The following EPHA7 variants were observed in gnomAD, a reference collection of about 807,000 sequenced individuals.
The protein encoded by EPHA7 is EPH receptor A7.
A neutral mutation model predicts 112.6 loss-of-function variants in EPHA7; 25 were observed. The observed-to-expected ratio is 0.22, with a 90% CI of 0.16 to 0.31. EPHA7 has a LOEUF of 0.31. EPHA7 is among the 10% of genes least tolerant of loss of function. The probability of loss-of-function intolerance (pLI) is 1.00; values close to 1 mark genes in which losing one functional copy is unlikely to be tolerated. For synonymous variants in EPHA7, 437 were observed against 406.5 expected (o/e 1.07, Z -0.90); for missense variants, 962 against 1,212.6 (o/e 0.79, Z 3.07).
chr6:93,289,578 C>T (rs1445238729), intron 5 of EPHA7, among the ~76,000 whole-genome samples: 5 of 151,624 alleles, frequency 3.3e-5, no homozygotes, highest in South Asian at 2.1e-4. Context: ...GGGCCAAGAT[C>T]GCGCCACTGC....
rs148587085 is a variant in EPHA7 at position 93,400,906 on chromosome 6, A to G, written c.832+9595T>C. Among the ~76,000 whole-genome samples, 615 of 152,236 alleles carry G rather than the reference A, an allele frequency of 4.0e-3. 7 individuals are homozygous for G. Among genetic ancestry groups the G allele is most frequent in the Non-Finnish European group, 6.8e-3 (460 of 68,012 alleles). On this transcript the variant is annotated intron_variant, in intron 3 of 16. Coordinates refer to ENST00000369303, the MANE Select transcript of EPHA7 (RefSeq NM_004440.4). ...TAGATTTTTGAATCATTCAACTTAAAAATGATAAATGTATGATATGTAGTT... is the reference window on the plus strand; with the variant it reads ...TAGATTTTTGAATCATTCAACTTAAGAATGATAAATGTATGATATGTAGTT...
At chr6:93,254,886 G>T in intron 13 of EPHA7, 90 bp from the exon 14 acceptor site, 2 of 1,118,452 alleles carry the variant, frequency 1.8e-6, no homozygotes, top group Admixed American at 2.5e-5. Flanking sequence ...TGCATTTTTG[G>T]TTGGTAGTTC....
intron 3 of EPHA7, among the ~76,000 whole-genome samples, chr6:93,360,405 G>A (rs1415132196): frequency 6.6e-6 from 1 of 152,114 alleles, no homozygotes. Context: ...GCCTGGACAA[G>A]TAAAACAAAC....
intron 5 of EPHA7, among the ~76,000 whole-genome samples, chr6:93,349,974 A>G (rs1775609814): frequency 2.6e-5 from 4 of 151,906 alleles, no homozygotes. Flanking sequence ...ATGTTATATC[A>G]CATGACTCAG....
At chr6:93,273,072 G>A (rs927958754) in intron 5 of EPHA7, among the ~76,000 whole-genome samples, 1 of 151,794 alleles carries the variant, frequency 6.6e-6, no homozygotes, top group Non-Finnish European at 1.5e-5. Context: ...TTATACCTAC[G>A]TAACCTAGGC....
chr6:93,389,776 A>T (rs1777810219), intron 3 of EPHA7, among the ~76,000 whole-genome samples: 4 of 151,966 alleles, frequency 2.6e-5, no homozygotes, highest in African/African-American at 7.2e-5. Context: ...ATGATATTGG[A>T]ATCTGAGTCC....
intron 3 of EPHA7, among the ~76,000 whole-genome samples, chr6:93,360,649 A>C (rs1165944913): frequency 6.6e-6 from 1 of 152,122 alleles, no homozygotes; most frequent in Non-Finnish European, 1.5e-5. Flanking sequence ...AATGAGGTGC[A>C]TTCCTTGCTC....
At chr6:93,413,568 T>A (rs1337336455) in intron 2 of EPHA7, among the ~76,000 whole-genome samples, 2 of 151,890 alleles carry the variant, frequency 1.3e-5, no homozygotes, top group African/African-American at 2.4e-5. Context: ...ACCACTTATC[T>A]CAAGAAAGGT....
intron 3 of EPHA7, among the ~76,000 whole-genome samples, chr6:93,395,605 ACACACAC>A (rs2127984755): frequency 6.6e-6 from 1 of 151,596 alleles, no homozygotes; most frequent in Non-Finnish European, 1.5e-5. Context: ...ACACACACAC[ACACACAC>A]ATCTGTCCGT....
intron 15 of EPHA7, among the ~76,000 whole-genome samples, chr6:93,246,058 CT>C (rs368442114): frequency 9.4e-5 from 14 of 148,252 alleles, no homozygotes; most frequent in African/African-American, 2.2e-4. Context: ...TTTTTCTTTT[CT>C]TTTTTTTTTG....
intron 2 of EPHA7, among the ~76,000 whole-genome samples, chr6:93,412,797 G>A (rs1196940786): frequency 1.3e-5 from 2 of 152,084 alleles, no homozygotes; most frequent in East Asian, 1.9e-4. Context: ...TAACAACTCT[G>A]CAGTTTGAAG....
At chr6:93,327,640 C>T (rs1774387594) in intron 5 of EPHA7, among the ~76,000 whole-genome samples, 2 of 151,416 alleles carry the variant, frequency 1.3e-5, no homozygotes, top group African/African-American at 4.8e-5. Flanking sequence ...CAAGGCTTCC[C>T]TTGGCCACTG....
intron 5 of EPHA7, among the ~76,000 whole-genome samples, chr6:93,350,189 G>C (rs1283292568): frequency 6.6e-6 from 1 of 151,930 alleles, no homozygotes; most frequent in Non-Finnish European, 1.5e-5. Flanking sequence ...GCTATATTTA[G>C]CAATGCTATC....
intron 5 of EPHA7, among the ~76,000 whole-genome samples, chr6:93,311,223 A>T (rs558303127): frequency 1.3e-5 from 2 of 148,532 alleles, no homozygotes; most frequent in South Asian, 2.1e-4. Flanking sequence ...TCAGGCTCCC[A>T]AAGTGCTGGG....
intron 5 of EPHA7, among the ~76,000 whole-genome samples, chr6:93,305,149 G>T (rs556244122): frequency 6.6e-6 from 1 of 150,738 alleles, no homozygotes; most frequent in Non-Finnish European, 1.5e-5. Context: ...ATTACTTCCT[G>T]GTACAAAATA....
intron 5 of EPHA7, among the ~76,000 whole-genome samples, chr6:93,282,388 G>T (rs1265261642): frequency 2.6e-5 from 4 of 152,088 alleles, no homozygotes; most frequent in African/African-American, 9.7e-5. Flanking sequence ...TTTCATTATT[G>T]TGAACACAAT....
At chr6:93,376,197 C>A (rs1253502600) in intron 3 of EPHA7, among the ~76,000 whole-genome samples, 1 of 152,028 alleles carries the variant, frequency 6.6e-6, no homozygotes, top group African/African-American at 2.4e-5. Flanking sequence ...AGGAGAAGTG[C>A]AGTGGTATGA....
chr6:93,277,094 G>A (rs1235128424), intron 5 of EPHA7, among the ~76,000 whole-genome samples: 2 of 152,004 alleles, frequency 1.3e-5, no homozygotes, highest in Non-Finnish European at 2.9e-5. Context: ...GCTAATAGTA[G>A]AATGATGCTC....
intron 5 of EPHA7, among the ~76,000 whole-genome samples, chr6:93,348,589 C>A (rs1775527241): frequency 6.6e-6 from 1 of 151,420 alleles, no homozygotes; most frequent in Non-Finnish European, 1.5e-5. Context: ...GTGTAAATAC[C>A]ACATTATGGC....
Sources: gnomAD v4.1 joint callset for allele counts (sites outside exome capture counted in the v4.1 genomes callset) on GRCh38, gnomAD v4.1.1 for gene constraint, MANE v1.5 for transcripts, NCBI Gene and HGNC (gene_info 2026-07-23, HGNC 2026-07-21) for gene names.